INTS6L: variants seen among roughly 807,000 people sequenced by gnomAD.
INTS6L encodes integrator complex subunit 6-like.
Under a neutral mutation model 64.7 loss-of-function variants are expected in INTS6L, and 18 were observed. The observed-to-expected ratio is 0.28, with a 90% confidence interval of 0.19 to 0.41. The LOEUF (loss-of-function observed/expected upper bound fraction) is 0.41. INTS6L is among the 10% of genes least tolerant of loss of function. The probability of loss-of-function intolerance (pLI) is 1.00; values close to 1 mark genes in which losing one functional copy is unlikely to be tolerated. For missense variants in INTS6L, 533 were observed against 661.0 expected (o/e 0.81, Z 2.12); for synonymous variants, 227 against 235.9 (o/e 0.96, Z 0.34).
intron 2 of INTS6L, among the ~76,000 whole-genome samples, chrX:135,544,830 C>T (rs987302179): frequency 1.8e-5 from 2 of 111,770 alleles, no homozygotes; most frequent in Admixed American, 9.5e-5. Flanking sequence ...TTTGCCAAAA[C>T]TTTTTGTTTC....
Position 135,546,728 on chromosome X carries a change from G to T in INTS6L, c.456G>T (p.Leu152=), listed in dbSNP as rs782251637. Residue 152 remains leucine (L), a synonymous_variant, in exon 5 of 18, where the codon CTG becomes CTT. Coordinates refer to ENST00000639893, the MANE Select transcript of INTS6L (RefSeq NM_001351601.3). ...EELHLPLNSP[L]PGSELTKEPF... ...TCCATCTTCCTTTGAATTCCCCTCT[G>T]CCTGGAAGTGAACTAACCAAAGAAC... 8.3e-7 allele frequency: 1 copy of T among 1,207,311 alleles called. No individual in the cohort carries two copies. Among genetic ancestry groups the T allele is most frequent in the Admixed American group, 2.2e-5 (1 of 45,579 alleles).
rs1369609757 is a variant in INTS6L, at chrX:135,547,212, G to A, written c.689G>A (p.Gly230Asp). 2 of 1,208,340 alleles carry A rather than the reference G, an allele frequency of 1.7e-6. No homozygotes were observed. Among genetic ancestry groups the A allele is most frequent in the African/African-American group, 1.7e-5 (1 of 57,160 alleles). ...LESLVQKVQS[G>D]VVINFEKTGP... ...TCTCTAGTTCAAAAAGTTCAGAGTG[G>A]TGTAGTTATTAATTTTGAAAAAACA... Residue 230 changes from glycine to aspartate, a missense_variant, in exon 6 of 18, where the codon GGT (glycine) becomes GAT (aspartate). Transcript: ENST00000639893.
rs201102809 is a variant in INTS6L, at chrX:135,546,752, A to G, written c.480A>G (p.Glu160=). The change falls in exon 5 of 18, where the codon GAA becomes GAG. Residue 160 remains glutamate (E), a synonymous_variant. Transcript: ENST00000639893. The part of the protein sequence containing the change: ...SPLPGSELTK[E]PFRWDQRLFA... Reference sequence around the variant, plus strand: ...TGCCTGGAAGTGAACTAACCAAAGAACCTTTTCGTTGGGATCAAAGGTTAT... The same window carrying G: ...TGCCTGGAAGTGAACTAACCAAAGAGCCTTTTCGTTGGGATCAAAGGTTAT... The G allele has an allele frequency of 2.5e-6, 3 of 1,209,630 alleles. No homozygotes were observed. The highest frequency in any genetic ancestry group is 3.4e-6 in the Non-Finnish European group (3 of 894,974).
chrX:135,580,974 T>A (rs1368813976), intron 16 of INTS6L, 76 bp from the exon 17 acceptor site: 1 of 713,605 alleles, frequency 1.4e-6, no homozygotes, highest in Non-Finnish European at 2.0e-6. Flanking sequence ...GAACAATTAC[T>A]AAGGATGTAC....
rs1556535109 is a variant in INTS6L, at chrX:135,582,337, G to T, written c.*701G>T. On this transcript the variant is annotated 3_prime_UTR_variant, in exon 18 of 18. Transcript: ENST00000639893. The stretch of plus-strand genomic sequence containing the variant: ...CTTCAGATGGACTTATACATTCTGT[G>T]CTTTGGAAGCACAAGAAGAACAAAA... 2 of 112,129 alleles carry T rather than the reference G, an allele frequency of 1.8e-5. No homozygotes were observed. The highest frequency in any genetic ancestry group is 6.5e-5 in the African/African-American group (2 of 30,777). The allele number at this position is 112,129 out of a possible 1,213,427, so 9.2% of individuals were successfully genotyped here. A position where few individuals can be genotyped will look rare whatever the true frequency, so the allele number is the denominator to read the frequency against.
At chrX:135,547,955 C>CA (rs1323710392) in intron 6 of INTS6L, among the ~76,000 whole-genome samples, 1 of 110,559 alleles carries the variant, frequency 9.0e-6, no homozygotes, top group Non-Finnish European at 1.9e-5. Context: ...AAACAAGCAC[C>CA]ATGGCAACGC....
At chrX:135,542,164 A>G (rs1050804199) in intron 2 of INTS6L, among the ~76,000 whole-genome samples, 11 of 111,436 alleles carry the variant, frequency 9.9e-5, no homozygotes, top group African/African-American at 3.3e-4. Flanking sequence ...AAGAATAGGA[A>G]TTAACCTACA....
intron 2 of INTS6L, among the ~76,000 whole-genome samples, chrX:135,531,435 G>C (rs1556505015): frequency 8.9e-6 from 1 of 112,422 alleles, no homozygotes; most frequent in Non-Finnish European, 1.9e-5. Flanking sequence ...CTGTCCTGCT[G>C]TCAGCTCACA....
At chrX:135,526,062 C>T (rs1187548405) in intron 2 of INTS6L, among the ~76,000 whole-genome samples, 1 of 111,764 alleles carries the variant, frequency 8.9e-6, no homozygotes, top group Non-Finnish European at 1.9e-5. Context: ...AGGGAAGATG[C>T]CTGACAAAAC....
At chrX:135,563,191 C>T in intron 9 of INTS6L, among the ~76,000 whole-genome samples, 1 of 111,319 alleles carries the variant, frequency 9.0e-6, no homozygotes, top group Non-Finnish European at 1.9e-5. Context: ...CAAATTACCA[C>T]AGTCTACTCG....
At chrX:135,534,225 C>G (rs182753065) in intron 2 of INTS6L, among the ~76,000 whole-genome samples, 15 of 108,577 alleles carry the variant, frequency 1.4e-4, no homozygotes, top group Non-Finnish European at 1.3e-4. Context: ...AAACTTCATA[C>G]TAGATATTAA....
At chrX:135,550,761 G>A (rs1452684956) in intron 7 of INTS6L, among the ~76,000 whole-genome samples, 1 of 111,600 alleles carries the variant, frequency 9.0e-6, no homozygotes, top group Non-Finnish European at 1.9e-5. Flanking sequence ...TTTGGCCCCT[G>A]CTGTGGGTGA....
chrX:135,570,702 ACC>A, intron 11 of INTS6L, 156 bp downstream of exon 11: 1 of 609,852 alleles, frequency 1.6e-6, no homozygotes, highest in Non-Finnish European at 2.3e-6. Context: ...TTCTAGCTTC[ACC>A]ATTAAGCTGC....
intron 9 of INTS6L, among the ~76,000 whole-genome samples, chrX:135,568,815 GA>G (rs1423103344): frequency 9.0e-6 from 1 of 111,683 alleles, no homozygotes; most frequent in Non-Finnish European, 1.9e-5. Context: ...CAAAGTGTTG[GA>G]ATTACAGGTG....
intron 13 of INTS6L, 113 bp from the exon 14 acceptor site, chrX:135,574,971 A>T (rs782379010): frequency 3.9e-5 from 30 of 770,007 alleles, no homozygotes; most frequent in Non-Finnish European, 5.6e-5. Flanking sequence ...CGAGACTTTA[A>T]ATACTATTTG....
At chrX:135,540,886 C>T (rs903467503) in intron 2 of INTS6L, among the ~76,000 whole-genome samples, 6 of 111,002 alleles carry the variant, frequency 5.4e-5, no homozygotes, top group South Asian at 3.8e-4. Flanking sequence ...GTGATCTTCC[C>T]GCCTCAGCCT....
At position 135,543,369 on chromosome X, in the gene INTS6L, T is replaced by G. The variant is rs1430366653; in HGVS notation, c.190-2054T>G. On this transcript the variant is annotated intron_variant, in intron 2 of 17. Transcript: ENST00000639893. ...AATCAGATTACTGGTGGTTCTCAAG[T>G]AAGTCCTATCCTTTTATCTGTTCTC... 2.7e-5 allele frequency among the ~76,000 whole-genome samples: 3 copies of G among 111,173 alleles called. No homozygotes were observed. The Admixed American group carries it at 2.9e-4, about 11-fold the overall frequency.
intron 12 of INTS6L, among the ~76,000 whole-genome samples, chrX:135,573,342 C>T (rs1012040379): frequency 8.9e-6 from 1 of 112,529 alleles, no homozygotes; most frequent in Non-Finnish European, 1.9e-5. Flanking sequence ...TGTGAAGAAG[C>T]TCAGACACTG....
At chrX:135,537,931 C>T (rs782740325) in intron 2 of INTS6L, among the ~76,000 whole-genome samples, 11 of 112,034 alleles carry the variant, frequency 9.8e-5, no homozygotes, top group Admixed American at 1.9e-4. Context: ...ATTTAAAATA[C>T]TTTGTTGCTA....
Sources: allele counts gnomAD v4.1 joint callset (sites outside exome capture counted in the v4.1 genomes callset), GRCh38; gene constraint gnomAD v4.1.1; transcripts MANE v1.5; gene names NCBI Gene and HGNC (gene_info 2026-07-23, HGNC 2026-07-21).